Variants in SPNS3 observed in about 807,000 individuals in gnomAD.
SPNS3 encodes protein spinster homolog 3.
Under a neutral mutation model 54.4 loss-of-function variants are expected in SPNS3, and 51 were observed. That is an observed-to-expected ratio of 0.94 (90% confidence interval 0.75 to 1.18). SPNS3 has a LOEUF of 1.18. SPNS3 is among the 50% of genes most tolerant of loss of function. The pLI is 0.00. For missense variants in SPNS3, 669 were observed against 677.4 expected (o/e 0.99, Z 0.14); for synonymous variants, 309 against 294.7 (o/e 1.05, Z -0.50).
rs1479246490 is a variant in SPNS3, at chr17:4,447,001, T to C, written c.621+39T>C. 3.7e-6 allele frequency: 6 copies of C among 1,609,906 alleles called. No homozygotes were observed. The African/African-American group carries it at 6.7e-5, about 18-fold the overall frequency. ...CCTTTTCTTCCCTCTGCTTTCCCTCTGGACCGGCAGGGACTTTCCAGCCTT... is the reference window on the plus strand; with the variant it reads ...CCTTTTCTTCCCTCTGCTTTCCCTCCGGACCGGCAGGGACTTTCCAGCCTT... On this transcript the variant is annotated intron_variant, in intron 5 of 11. Coordinates refer to ENST00000355530, the MANE Select transcript of SPNS3 (RefSeq NM_182538.5).
At chr17:4,446,874 C>T (rs750128103) in intron 4 of SPNS3, 22 bp from the exon 5 acceptor site, 10 of 1,612,254 alleles carry the variant, frequency 6.2e-6, no homozygotes, top group African/African-American at 2.7e-5. Flanking sequence ...CACAGCCCAT[C>T]GCCCCTGCCC....
intron 3 of SPNS3, 38 bp downstream of exon 3, chr17:4,445,206 C>A: frequency 6.4e-7 from 1 of 1,570,862 alleles, no homozygotes; most frequent in Middle Eastern, 1.7e-4. Context: ...CCTGAGGCCC[C>A]TTCCCCACCT....
rs1165793700 is a variant in SPNS3, at chr17:4,458,618, TTTC to T, written c.1113+5416_1113+5418del. ...CTTTCTTTCTTTCTTTCTTTCTTTC[TTTC>T]TTTCTTTCTTTCTTTCTTTCTTTCT... On this transcript the variant is annotated intron_variant, in intron 8 of 11. Transcript: ENST00000355530. Among the ~76,000 whole-genome samples, 152 of 117,666 alleles carry T rather than the reference TTTC, an allele frequency of 1.3e-3. 3 individuals carry two copies. The highest frequency in any genetic ancestry group is 2.3e-3 in the Non-Finnish European group (124 of 54,514). The allele number at this position is 117,666 out of a possible 152,430, so 77.2% of individuals were successfully genotyped here.
In SPNS3 at chr17:4,479,939, G is replaced by A. The variant is rs59893548; in HGVS notation, c.1179+1302G>A. Reference sequence around the variant, plus strand: ...CTGGCTAGGATTCTCACAGCAATCCGGAATTTTCCATTTTCTCATTTTCTA... The same window carrying A: ...CTGGCTAGGATTCTCACAGCAATCCAGAATTTTCCATTTTCTCATTTTCTA... On this transcript the variant is annotated intron_variant, in intron 9 of 11. Transcript: ENST00000355530. Among the ~76,000 whole-genome samples, 6,437 of 152,320 alleles carry A rather than the reference G, an allele frequency of 0.042. 980 individuals carry two copies. The East Asian group carries it at 0.59, about 14-fold the overall frequency.
chr17:4,439,180 A>C (rs922387578), intron 1 of SPNS3, among the ~76,000 whole-genome samples: 1 of 151,258 alleles, frequency 6.6e-6, no homozygotes, highest in Non-Finnish European at 1.5e-5. Flanking sequence ...CTGGAGTGCA[A>C]TGGCGCGATC....
chr17:4,469,666 G>A (rs1045371479), intron 8 of SPNS3, among the ~76,000 whole-genome samples: 1 of 150,278 alleles, frequency 6.7e-6, no homozygotes, highest in African/African-American at 2.5e-5. Flanking sequence ...TGTGTCTGGA[G>A]TTCAGGAGAG....
intron 2 of SPNS3, among the ~76,000 whole-genome samples, chr17:4,442,083 T>C (rs1970868011): frequency 6.6e-6 from 1 of 150,972 alleles, no homozygotes; most frequent in South Asian, 2.1e-4. Flanking sequence ...GAAAGGACAG[T>C]GGGCTTAGAG....
chr17:4,472,048 G>C (rs150121765), intron 8 of SPNS3, among the ~76,000 whole-genome samples: 1 of 149,972 alleles, frequency 6.7e-6, no homozygotes, highest in Admixed American at 6.7e-5. Context: ...TAGTAGAGAT[G>C]GGGTTTTACC....
At chr17:4,457,392 A>AAAAC (rs1001040864) in intron 8 of SPNS3, among the ~76,000 whole-genome samples, 4 of 152,208 alleles carry the variant, frequency 2.6e-5, no homozygotes, top group Non-Finnish European at 5.9e-5. Flanking sequence ...ACCCTGTCTC[A>AAAAC]AAACAAACAA....
At chr17:4,452,727 A>G (rs1302672860) in intron 7 of SPNS3, among the ~76,000 whole-genome samples, 1 of 151,738 alleles carries the variant, frequency 6.6e-6, no homozygotes, top group African/African-American at 2.4e-5. Flanking sequence ...GCAGGCTGGG[A>G]CCTGGGGTGC....
At chr17:4,480,834 A>G (rs2144218329) in intron 9 of SPNS3, among the ~76,000 whole-genome samples, 1 of 126,466 alleles carries the variant, frequency 7.9e-6, no homozygotes, top group African/African-American at 2.7e-5. Flanking sequence ...TTGCACCACC[A>G]TCCCAGAGCC....
Position 4,445,149 on chromosome 17 carries a change from G to T in SPNS3, c.383G>T (p.Ser128Ile), listed in dbSNP as rs751041839. The change falls in exon 3 of 12, where the codon AGC (serine) becomes ATC (isoleucine). Residue 128 changes from serine (S) to isoleucine (I), a missense_variant. Physicochemically the swap from Ser to Ile is moderately radical, Grantham distance 142. Coordinates refer to ENST00000355530, the MANE Select transcript of SPNS3 (RefSeq NM_182538.5). ...CTGTGGTCAGGAGCTGGCCTCTCTA[G>T]CTCCTTCATCTCCCCCCGGGTACGT... ...ILLWSGAGLS[S>I]SFISPRYSWL... The T allele has an allele frequency of 6.2e-7, 1 of 1,613,452 alleles. No individual in the cohort carries two copies. Among genetic ancestry groups the T allele is most frequent in the Non-Finnish European group, 8.5e-7 (1 of 1,179,522 alleles).
chr17:4,447,613 G>A (rs1252205628), intron 5 of SPNS3, among the ~76,000 whole-genome samples: 2 of 152,188 alleles, frequency 1.3e-5, no homozygotes, highest in Non-Finnish European at 2.9e-5. Context: ...TTTTGGGGGT[G>A]GGGTGGGCTT....
rs1597315897 is a variant in SPNS3 at position 4,452,925 on chromosome 17, C to T, written c.924-91C>T. 1.8e-5 allele frequency: 24 copies of T among 1,306,998 alleles called. No individual in the cohort carries two copies. In the South Asian group the frequency reaches 1.9e-4, roughly 10 times the overall value. The allele number at this position is 1,306,998 out of a possible 1,614,324, so 81.0% of individuals were successfully genotyped here. A position where few individuals can be genotyped will look rare whatever the true frequency, so the allele number is the denominator to read the frequency against. ...TAGACACCAGATCATGCACTTGAGC[C>T]GAGGGGCTAGACCTGGGGCTGGGAG... On this transcript the variant is annotated intron_variant, in intron 7 of 11. Transcript: ENST00000355530.
At position 4,486,071 on chromosome 17, in the gene SPNS3, TGG is replaced by T; in HGVS notation, c.1180-154_1180-153del. 7.0e-6 allele frequency: 4 copies of T among 574,770 alleles called. No homozygotes were observed. The highest frequency in any genetic ancestry group is 2.9e-6 in the Non-Finnish European group (1 of 345,902). The allele number at this position is 574,770 out of a possible 1,614,324, so 35.6% of individuals were successfully genotyped here. ...AGATGGGCTTGATGTCTTGATGTTC[TGG>T]GGTGGGACTTTAGACCTTGGGGACC... On this transcript the variant is annotated intron_variant, in intron 9 of 11. Coordinates refer to ENST00000355530, the MANE Select transcript of SPNS3 (RefSeq NM_182538.5). This position sits in a 1 kb window ranked among gnomAD's most constrained non-coding sequence, Gnocchi z 5.5.
At chr17:4,446,708 G>A in intron 4 of SPNS3, 188 bp from the exon 5 acceptor site, 1 of 630,896 alleles carries the variant, frequency 1.6e-6, no homozygotes, top group Non-Finnish European at 2.9e-6. Context: ...AGAGGTCACT[G>A]GTGACCTGAC....
At chr17:4,466,193 A>G (rs913224659) in intron 8 of SPNS3, among the ~76,000 whole-genome samples, 1 of 152,250 alleles carries the variant, frequency 6.6e-6, no homozygotes, top group African/African-American at 2.4e-5. Context: ...GCACTGGAGT[A>G]CAGCATGAAC....
At chr17:4,474,258 C>T (rs1287597250) in intron 8 of SPNS3, among the ~76,000 whole-genome samples, 1 of 152,238 alleles carries the variant, frequency 6.6e-6, no homozygotes, top group Non-Finnish European at 1.5e-5. Context: ...GCGGTGCCCT[C>T]GTGCCCCAAT....
rs1428006730 is a variant in SPNS3, at chr17:4,449,402, G to A, written c.923+15G>A. On this transcript the variant is annotated intron_variant, in intron 7 of 11. Coordinates refer to ENST00000355530, the MANE Select transcript of SPNS3 (RefSeq NM_182538.5). ...AACCCCGACAGGTGAGGGCATCCGGGGGCCCTGGGCACCTGGCCCGGCTCG... is the reference window on the plus strand; with the variant it reads ...AACCCCGACAGGTGAGGGCATCCGGAGGCCCTGGGCACCTGGCCCGGCTCG... The A allele has an allele frequency of 6.4e-7, 1 of 1,563,902 alleles. No homozygotes were observed. The highest frequency in any genetic ancestry group is 8.6e-7 in the Non-Finnish European group (1 of 1,164,092).
Sources: gnomAD v4.1 joint callset for allele counts (sites outside exome capture counted in the v4.1 genomes callset) on GRCh38, gnomAD v4.1.1 for gene constraint, Gnocchi (gnomAD v3.1) non-coding constraint, MANE v1.5 for transcripts, NCBI Gene and HGNC (gene_info 2026-07-23, HGNC 2026-07-21) for gene names.